Variants in RSF1 observed in about 807,000 individuals in gnomAD.
RSF1 encodes remodeling and spacing factor 1, also known as HBV pX-associated protein 8.
RSF1 carries 13 observed loss-of-function variants against 145.2 expected under a neutral mutation model. The observed-to-expected ratio is 0.09, with a 90% CI of 0.06 to 0.14. RSF1 has a LOEUF of 0.14. RSF1 is among the 10% of genes least tolerant of loss of function. The probability of loss-of-function intolerance (pLI) is 1.00; values close to 1 mark genes in which losing one functional copy is unlikely to be tolerated. For missense variants in RSF1, 1,517 were observed against 1,718.2 expected (o/e 0.88, Z 2.07); for synonymous variants, 577 against 592.6 (o/e 0.97, Z 0.38).
the RSF1 span, among the ~76,000 whole-genome samples, chr11:77,852,770 T>C: frequency 6.6e-6 from 1 of 152,146 alleles, no homozygotes. Flanking sequence ...TTTTTTCTTT[T>C]TTTCCCATTT....
intron 1 of RSF1, among the ~76,000 whole-genome samples, chr11:77,812,798 G>A (rs1370808537): frequency 2.7e-5 from 4 of 150,928 alleles, no homozygotes; most frequent in Non-Finnish European, 4.4e-5. Context: ...GCTGAAGCAG[G>A]AGAATCACTT....
intron 4 of RSF1, among the ~76,000 whole-genome samples, chr11:77,733,292 T>C (rs1001568037): frequency 2.6e-5 from 4 of 152,230 alleles, no homozygotes; most frequent in African/African-American, 9.6e-5. Flanking sequence ...GTGGTTTTAA[T>C]TGGAAATTCT....
intron 2 of RSF1, 102 bp from the exon 3 acceptor site, chr11:77,747,230 A>G (rs893483661): frequency 3.8e-5 from 27 of 708,370 alleles, no homozygotes; most frequent in Non-Finnish European, 5.9e-5. Flanking sequence ...TTTATAAAGG[A>G]AAGAGGTTAC....
intron 1 of RSF1, among the ~76,000 whole-genome samples, chr11:77,794,603 A>G (rs1288448977): frequency 6.6e-6 from 1 of 152,166 alleles, no homozygotes; most frequent in Non-Finnish European, 1.5e-5. Flanking sequence ...CACCGGGTCA[A>G]TGAAGTAAGA....
At chr11:77,697,596 G>C (rs1443300235) in intron 7 of RSF1, among the ~76,000 whole-genome samples, 2 of 147,680 alleles carry the variant, frequency 1.4e-5, no homozygotes, top group African/African-American at 5.0e-5. Context: ...AACCTTTGAA[G>C]AACTTACTTC....
In RSF1 at chr11:77,692,233, A is replaced by ATTTTTTTTTTTTT. The variant is rs71046904; in HGVS notation, c.2821-1008_2821-996dup. Among the ~76,000 whole-genome samples, 286 of 49,472 alleles carry ATTTTTTTTTTTTT rather than the reference A, an allele frequency of 5.8e-3. 43 individuals carry two copies. The highest frequency in any genetic ancestry group is 8.3e-3 in the East Asian group (13 of 1,570). The allele number at this position is 49,472 out of a possible 152,430, so 32.5% of individuals were successfully genotyped here. ...AAAAAATAATTATTACTACTTTTAA[A>ATTTTTTTTTTTTT]TTTTTTTTTTTTTTTTTTTTTTTTT... On this transcript the variant is annotated intron_variant, in intron 8 of 15. Transcript: ENST00000308488.
chr11:77,847,779 A>G, the RSF1 span, among the ~76,000 whole-genome samples: 1 of 152,172 alleles, frequency 6.6e-6, no homozygotes. Flanking sequence ...TCTCCAGAAA[A>G]ACAGAACTAG....
the RSF1 span, among the ~76,000 whole-genome samples, chr11:77,865,965 A>G: frequency 6.6e-6 from 1 of 152,200 alleles, no homozygotes; most frequent in Non-Finnish European, 1.5e-5. Context: ...TAATTCAGAC[A>G]AGCAATAATG....
chr11:77,817,224 G>A (rs1374014034), intron 1 of RSF1, among the ~76,000 whole-genome samples: 1 of 152,150 alleles, frequency 6.6e-6, no homozygotes, highest in Non-Finnish European at 1.5e-5. Flanking sequence ...AAATAACCTA[G>A]CTAAATTTCA....
At chr11:77,709,014 G>A (rs1960617081) in intron 5 of RSF1, among the ~76,000 whole-genome samples, 1 of 152,184 alleles carries the variant, frequency 6.6e-6, no homozygotes. Context: ...TAAAACAGGT[G>A]GCACAGGCCA....
intron 1 of RSF1, chr11:77,813,255 GATCA>G: frequency 1.6e-6 from 1 of 631,550 alleles, no homozygotes; most frequent in East Asian, 2.6e-5. Context: ...TGATGAATGG[GATCA>G]AGTCTGCCAT....
Position 77,702,282 on chromosome 11 carries a change from T to G in RSF1, c.947A>C (p.Lys316Thr), listed in dbSNP as rs377557942. 3.7e-6 allele frequency: 6 copies of G among 1,608,954 alleles called. No homozygotes were observed. The highest frequency in any genetic ancestry group is 5.1e-6 in the Non-Finnish European group (6 of 1,178,842). Residue 316 changes from lysine to threonine, a missense_variant, in exon 6 of 16, where the codon AAG (lysine) becomes ACG (threonine). This residue lies in a region of RSF1 where 207 missense variants were observed against 191.4 expected (regional missense o/e 1.08). Transcript: ENST00000308488. ...AACTTTAATGGGTTTGACATTTTCC[T>G]TGAAGGAATCACTTTCTTCTTTGAT... ...KIIKEESDSF[K>T]ENVKPIKVEV...
chr11:77,701,197 C>G lies in RSF1; in HGVS notation c.2032G>C (p.Val678Leu). The G allele has an allele frequency of 6.2e-7, 1 of 1,614,128 alleles. No individual in the cohort carries two copies. The highest frequency in any genetic ancestry group is 8.5e-7 in the Non-Finnish European group (1 of 1,180,022). The change falls in exon 6 of 16, where the codon GTA becomes CTA. Residue 678 changes from valine (V) to leucine (L), a missense_variant. Physicochemically the swap from Val to Leu is conservative, Grantham distance 32. This residue lies in a region of RSF1 where 579 missense variants were observed against 553.5 expected (regional missense o/e 1.05). Transcript: ENST00000308488. ...TLKEDSEFTK[V>L]EMDNLDNAQT... The stretch of plus-strand genomic sequence containing the variant: ...GCATTGTCCAGATTATCCATTTCTA[C>G]CTTTGTGAACTCAGAATCCTCTTTT...
At chr11:77,787,362 A>G (rs1283272401) in intron 1 of RSF1, among the ~76,000 whole-genome samples, 1 of 152,228 alleles carries the variant, frequency 6.6e-6, no homozygotes, top group African/African-American at 2.4e-5. Flanking sequence ...TGACTTTTAC[A>G]TTATTAAATG....
rs1959361724 is a variant in RSF1, at chr11:77,666,313, GTC to G, written c.*602_*603del. On this transcript the variant is annotated 3_prime_UTR_variant, in exon 16 of 16. Coordinates refer to ENST00000308488, the MANE Select transcript of RSF1 (RefSeq NM_016578.4). ...GGTTAATTATGATGGTACTTTCACT[GTC>G]TCTTCTTTATTAAGTGTGGTTATCT... 6.6e-6 allele frequency: 1 copy of G among 152,418 alleles called. No homozygotes were observed. Among genetic ancestry groups the G allele is most frequent in the African/African-American group, 2.4e-5 (1 of 41,388 alleles). The allele number at this position is 152,418 out of a possible 1,614,324, so 9.4% of individuals were successfully genotyped here.
At chr11:77,837,159 G>A in the RSF1 span, among the ~76,000 whole-genome samples, 28 of 152,074 alleles carry the variant, frequency 1.8e-4, no homozygotes, top group African/African-American at 5.5e-4. Flanking sequence ...TTTTTGAGAC[G>A]TAGTCTCGCT....
At chr11:77,773,747 T>C (rs926778675) in intron 1 of RSF1, among the ~76,000 whole-genome samples, 3 of 152,180 alleles carry the variant, frequency 2.0e-5, no homozygotes, top group African/African-American at 7.2e-5. Flanking sequence ...ACTGCCCAGT[T>C]ACCCCTCAAA....
chr11:77,749,047 C>T (rs1948032619), intron 2 of RSF1, among the ~76,000 whole-genome samples: 1 of 152,044 alleles, frequency 6.6e-6, no homozygotes, highest in Non-Finnish European at 1.5e-5. Flanking sequence ...TGAAAGAAAC[C>T]AGACACAAAA....
chr11:77,797,235 G>A (rs572919382), intron 1 of RSF1, among the ~76,000 whole-genome samples: 2 of 152,194 alleles, frequency 1.3e-5, no homozygotes, highest in East Asian at 1.9e-4. Context: ...AAAGCTGGAG[G>A]CATCAAGCTA....
Sources: allele counts gnomAD v4.1 joint callset (sites outside exome capture counted in the v4.1 genomes callset), GRCh38; gene constraint gnomAD v4.1.1; regional missense constraint gnomAD v4.1.1; transcripts MANE v1.5; gene names NCBI Gene and HGNC (gene_info 2026-07-23, HGNC 2026-07-21).